Variants in CYB5R4 observed in about 807,000 individuals in gnomAD.
CYB5R4 encodes the protein N-terminal cytochrome b5 and cytochrome b5 oxidoreductase domain-containing protein.
CYB5R4 carries 55 observed loss-of-function variants against 70.2 expected under a neutral mutation model. The observed-to-expected ratio is 0.78, with a 90% CI of 0.63 to 0.98. The LOEUF (loss-of-function observed/expected upper bound fraction) is 0.98, where lower values mean the gene tolerates loss of function less well. CYB5R4 is among the 50% of genes least tolerant of loss of function. CYB5R4 has a pLI of 0.00. For missense variants in CYB5R4, 562 were observed against 612.6 expected (o/e 0.92, Z 0.87); for synonymous variants, 197 against 199.5 (o/e 0.99, Z 0.11).
chr6:83,890,146 C>T (rs1490943362), intron 2 of CYB5R4, among the ~76,000 whole-genome samples: 1 of 152,196 alleles, frequency 6.6e-6, no homozygotes, highest in Admixed American at 6.5e-5. Flanking sequence ...AAGGCTATGA[C>T]TGCTGTAGAT....
chr6:83,940,204 C>T lies in CYB5R4; in HGVS notation c.1257C>T (p.Leu419=). Residue 419 remains leucine (L), a splice_region_variant and synonymous_variant, in exon 13 of 16, where the codon CTC becomes CTT. Coordinates refer to ENST00000369681, the MANE Select transcript of CYB5R4 (RefSeq NM_016230.4). ...ATGCTTTGACTGATATACCCAGTCT[C>T]AGGTATGTAATTTTGTCTCTAATTA... ...LNYALTDIPS[L]RKVKLMFFNK... 1.3e-6 allele frequency: 2 copies of T among 1,600,006 alleles called. No homozygotes were observed. The highest frequency in any genetic ancestry group is 2.3e-5 in the South Asian group (2 of 88,590).
In CYB5R4 at chr6:83,914,456, T is replaced by C; in HGVS notation, c.445+8T>C. 1 of 1,504,116 alleles carries C rather than the reference T, an allele frequency of 6.6e-7. No homozygotes were observed. Among genetic ancestry groups the C allele is most frequent in the Non-Finnish European group, 9.1e-7 (1 of 1,103,502 alleles). The allele number at this position is 1,504,116 out of a possible 1,614,324, so 93.2% of individuals were successfully genotyped here. A position where few individuals can be genotyped will look rare whatever the true frequency, so the allele number is the denominator to read the frequency against. On this transcript the variant is annotated splice_region_variant and intron_variant, in intron 5 of 15. Transcript: ENST00000369681. ...AAAAGAAAGTCTTAAATGGTAAGTC[T>C]ATAAATTTATAATAAATGAATCATA... is the stretch of plus-strand genomic sequence containing the variant.
chr6:83,863,471 A>G (rs1311126043), intron 1 of CYB5R4, among the ~76,000 whole-genome samples: 1 of 152,242 alleles, frequency 6.6e-6, no homozygotes, highest in African/African-American at 2.4e-5. Context: ...TTGACAGTCC[A>G]GAAAATCAAC....
At chr6:83,909,262 T>C (rs959267231) in intron 4 of CYB5R4, among the ~76,000 whole-genome samples, 172 bp downstream of exon 4, 3 of 152,234 alleles carry the variant, frequency 2.0e-5, no homozygotes, top group Non-Finnish European at 2.9e-5. Context: ...AGAATCATAT[T>C]GTGACTTTCC....
At chr6:83,916,344 G>A (rs1193565960) in intron 5 of CYB5R4, among the ~76,000 whole-genome samples, 7 of 152,046 alleles carry the variant, frequency 4.6e-5, no homozygotes, top group South Asian at 2.1e-4. Context: ...TGTTTATAGC[G>A]TTTTCTTACA....
chr6:83,928,043 G>A (rs1236183993), intron 10 of CYB5R4, among the ~76,000 whole-genome samples: 1 of 152,150 alleles, frequency 6.6e-6, no homozygotes, highest in Non-Finnish European at 1.5e-5. Context: ...CTCAATGTCA[G>A]GAACCAGGGT....
intron 3 of CYB5R4, among the ~76,000 whole-genome samples, chr6:83,906,242 C>T (rs1474861082): frequency 6.6e-6 from 1 of 152,182 alleles, no homozygotes; most frequent in East Asian, 1.9e-4. Context: ...CTTGCCTCAG[C>T]CCATGGTGCG....
At chr6:83,881,945 A>ATTTATTTTCCAT (rs2099459508) in intron 2 of CYB5R4, among the ~76,000 whole-genome samples, 1 of 152,184 alleles carries the variant, frequency 6.6e-6, no homozygotes, top group Non-Finnish European at 1.5e-5. Context: ...ATTTGTCTTC[A>ATTTATTTTCCAT]TTGAAGTTGG....
At chr6:83,952,969 G>GT (rs1268944336) in intron 14 of CYB5R4, among the ~76,000 whole-genome samples, 1 of 152,116 alleles carries the variant, frequency 6.6e-6, no homozygotes, top group African/African-American at 2.4e-5. Context: ...ACCTGAAACT[G>GT]TTTCTTTTTC....
At chr6:83,868,597 C>T (rs1382415916) in intron 2 of CYB5R4, among the ~76,000 whole-genome samples, 3 of 152,048 alleles carry the variant, frequency 2.0e-5, no homozygotes, top group Non-Finnish European at 2.9e-5. Context: ...CTGAAGAAAT[C>T]GGTTTGTAGG....
chr6:83,949,520 C>A (rs2099471189), intron 14 of CYB5R4, among the ~76,000 whole-genome samples: 1 of 152,020 alleles, frequency 6.6e-6, no homozygotes, highest in South Asian at 2.1e-4. Context: ...GAACACATTT[C>A]TGTGGTTAAA....
intron 10 of CYB5R4, among the ~76,000 whole-genome samples, chr6:83,928,001 AGTACTT>A (rs2099467597): frequency 6.6e-6 from 1 of 152,160 alleles, no homozygotes; most frequent in Non-Finnish European, 1.5e-5. Flanking sequence ...AGACACTTGT[AGTACTT>A]AGGAGATTAC....
chr6:83,876,864 T>C (rs1426290937), intron 2 of CYB5R4, among the ~76,000 whole-genome samples: 1 of 152,180 alleles, frequency 6.6e-6, no homozygotes, highest in Non-Finnish European at 1.5e-5. Flanking sequence ...AGACAGAGTC[T>C]TGCTCTGTCA....
At chr6:83,952,255 A>G (rs1039929958) in intron 14 of CYB5R4, among the ~76,000 whole-genome samples, 1 of 152,220 alleles carries the variant, frequency 6.6e-6, no homozygotes, top group African/African-American at 2.4e-5. Context: ...CACTCCCTGC[A>G]AAATGTGCTT....
intron 12 of CYB5R4, among the ~76,000 whole-genome samples, chr6:83,938,734 C>G (rs1333788332): frequency 6.6e-6 from 1 of 152,198 alleles, no homozygotes; most frequent in Non-Finnish European, 1.5e-5. Context: ...AGTTAATACT[C>G]TCCTCTGAGG....
At chr6:83,941,601 TG>T (rs1401013175) in intron 14 of CYB5R4, among the ~76,000 whole-genome samples, 1 of 152,224 alleles carries the variant, frequency 6.6e-6, no homozygotes, top group Non-Finnish European at 1.5e-5. Context: ...GAAAATGCTG[TG>T]GTCTTTTCCC....
At chr6:83,924,142 C>CTTTTT (rs35960110) in intron 9 of CYB5R4, among the ~76,000 whole-genome samples, 26 of 129,912 alleles carry the variant, frequency 2.0e-4, no homozygotes, top group African/African-American at 5.1e-4. Flanking sequence ...ACATCTCAAC[C>CTTTTT]TTTTTTTTTT....
At chr6:83,885,038 T>C (rs1273232162) in intron 2 of CYB5R4, among the ~76,000 whole-genome samples, 1 of 152,180 alleles carries the variant, frequency 6.6e-6, no homozygotes, top group Non-Finnish European at 1.5e-5. Flanking sequence ...TTAGGACATA[T>C]CTATTGATAT....
At chr6:83,869,879 T>C (rs1035668466) in intron 2 of CYB5R4, among the ~76,000 whole-genome samples, 11 of 152,252 alleles carry the variant, frequency 7.2e-5, no homozygotes, top group Admixed American at 4.6e-4. Context: ...ATTTTTACAC[T>C]TTTGTGTTTT....
Sources: gnomAD v4.1 joint callset for allele counts (sites outside exome capture counted in the v4.1 genomes callset) on GRCh38, gnomAD v4.1.1 for gene constraint, MANE v1.5 for transcripts, NCBI Gene and HGNC (gene_info 2026-07-23, HGNC 2026-07-21) for gene names.